Variants in BMPR1B observed in about 807,000 individuals in gnomAD.
The protein encoded by BMPR1B is bone morphogenetic protein receptor type 1B.
BMPR1B carries 12 observed loss-of-function variants against 59.1 expected under a neutral mutation model. That is an observed-to-expected ratio of 0.20 (90% CI 0.13 to 0.33). The LOEUF (loss-of-function observed/expected upper bound fraction) is 0.33. BMPR1B is among the 10% of genes least tolerant of loss of function. The pLI is 1.00. For synonymous variants in BMPR1B, 237 were observed against 207.3 expected (o/e 1.14, Z -1.23); for missense variants, 550 against 610.9 (o/e 0.90, Z 1.05).
rs192382983 is a variant in BMPR1B, at chr4:95,149,898, G to A, written c.1252+975G>A. 5.8e-4 allele frequency among the ~76,000 whole-genome samples: 88 copies of A among 152,296 alleles called. No homozygotes were observed. The East Asian group carries it at 6.6e-3, about 11-fold the overall frequency. On this transcript the variant is annotated intron_variant, in intron 11 of 12. Transcript: ENST00000515059. ...AAAGATGAATTGAATTATTGTATCT[G>A]CTTCTGTGGTTGTATGGTTTCAATG...
At chr4:94,790,229 G>A (rs535586610) in intron 1 of BMPR1B, among the ~76,000 whole-genome samples, 4 of 152,154 alleles carry the variant, frequency 2.6e-5, no homozygotes, top group African/African-American at 7.2e-5. Context: ...TCTAACCCCC[G>A]CATTGTTATA....
chr4:94,959,418 G>A (rs1730272575), intron 2 of BMPR1B, among the ~76,000 whole-genome samples: 1 of 152,032 alleles, frequency 6.6e-6, no homozygotes, highest in Admixed American at 6.6e-5. Flanking sequence ...TGATAACATT[G>A]TAAAGTAAGA....
chr4:95,093,129 A>G (rs917761855), intron 3 of BMPR1B, among the ~76,000 whole-genome samples: 2 of 152,108 alleles, frequency 1.3e-5, no homozygotes, highest in Non-Finnish European at 2.9e-5. Context: ...AGATTATGCT[A>G]TTTTGTGACA....
At position 95,108,622 on chromosome 4, in the gene BMPR1B, A is replaced by T. The variant is rs150927525; in HGVS notation, c.143+4055A>T. Among the ~76,000 whole-genome samples the T allele has an allele frequency of 2.7e-3, 417 of 152,130 alleles. 4 individuals are homozygous for T. The highest frequency in any genetic ancestry group is 9.4e-3 in the African/African-American group (390 of 41,504). ...CAAGGCCAGAGTCATTCTTGGCTTG[A>T]TCTCTGTCAGGTGCAGATACGGCTG... On this transcript the variant is annotated intron_variant, in intron 4 of 12. Transcript: ENST00000515059.
intron 2 of BMPR1B, among the ~76,000 whole-genome samples, chr4:94,963,346 C>T (rs140637104): frequency 2.6e-4 from 40 of 152,144 alleles, no homozygotes; most frequent in African/African-American, 7.9e-4. Flanking sequence ...TTTTCAGCTT[C>T]GTGTGATCCC....
chr4:95,041,402 C>T (rs764315773), intron 3 of BMPR1B, among the ~76,000 whole-genome samples: 18 of 152,032 alleles, frequency 1.2e-4, no homozygotes, highest in Non-Finnish European at 2.1e-4. Context: ...GAGTTCCACC[C>T]GCCATGGGTT....
chr4:94,908,403 A>T (rs1728148987), intron 2 of BMPR1B, among the ~76,000 whole-genome samples: 1 of 150,816 alleles, frequency 6.6e-6, no homozygotes, highest in South Asian at 2.1e-4. Flanking sequence ...TTATTTTTGC[A>T]TGATCTCTGT....
chr4:94,845,177 T>G (rs1725269672), intron 1 of BMPR1B, among the ~76,000 whole-genome samples: 2 of 152,104 alleles, frequency 1.3e-5, no homozygotes, highest in Admixed American at 1.3e-4. Flanking sequence ...TTATATAATT[T>G]AAAGAGTAAA....
intron 2 of BMPR1B, among the ~76,000 whole-genome samples, chr4:94,936,262 C>G (rs1291800396): frequency 6.6e-6 from 1 of 152,224 alleles, no homozygotes; most frequent in African/African-American, 2.4e-5. Context: ...CCAAGTTATA[C>G]AGAGGCAGTT....
chr4:94,860,232 G>A (rs1360444343), intron 1 of BMPR1B, among the ~76,000 whole-genome samples: 1 of 151,984 alleles, frequency 6.6e-6, no homozygotes, highest in East Asian at 1.9e-4. Context: ...AAAACCTTTG[G>A]TCCTCCTTTA....
intron 2 of BMPR1B, among the ~76,000 whole-genome samples, chr4:94,920,497 G>C (rs1728647517): frequency 6.6e-6 from 1 of 152,174 alleles, no homozygotes; most frequent in South Asian, 2.1e-4. Flanking sequence ...TTTTTGCAAA[G>C]GTCTTTGAAT....
intron 1 of BMPR1B, among the ~76,000 whole-genome samples, chr4:94,794,624 C>T (rs1430565937): frequency 2.0e-5 from 3 of 148,632 alleles, no homozygotes; most frequent in African/African-American, 7.6e-5. Flanking sequence ...TGGCCACTTT[C>T]ACGATATTGA....
At chr4:95,045,580 C>G (rs1309616133) in intron 3 of BMPR1B, among the ~76,000 whole-genome samples, 1 of 152,146 alleles carries the variant, frequency 6.6e-6, no homozygotes, top group South Asian at 2.1e-4. Flanking sequence ...CCTTTGCCTT[C>G]CCTTCACCCA....
chr4:95,065,645 A>G (rs1293514130), intron 3 of BMPR1B, among the ~76,000 whole-genome samples: 1 of 152,146 alleles, frequency 6.6e-6, no homozygotes, highest in East Asian at 1.9e-4. Flanking sequence ...CCATTTTTAA[A>G]TATATTTGTA....
intron 6 of BMPR1B, among the ~76,000 whole-genome samples, chr4:95,117,911 A>T (rs1229665791): frequency 3.9e-5 from 6 of 152,162 alleles, no homozygotes; most frequent in African/African-American, 1.4e-4. Context: ...AGTAGAATAA[A>T]ACTCCAAAGG....
chr4:95,030,454 C>G (rs1724751324), intron 3 of BMPR1B, among the ~76,000 whole-genome samples: 1 of 152,096 alleles, frequency 6.6e-6, no homozygotes, highest in Admixed American at 6.6e-5. Flanking sequence ...TCTGAGGGCT[C>G]TGTTCTGTTC....
intron 1 of BMPR1B, among the ~76,000 whole-genome samples, chr4:94,826,641 T>G (rs1413556412): frequency 6.9e-6 from 1 of 144,370 alleles, no homozygotes; most frequent in Non-Finnish European, 1.5e-5. Context: ...GAGGAACATC[T>G]GGAATGTTCT....
chr4:95,048,610 G>A (rs779690588), intron 3 of BMPR1B, among the ~76,000 whole-genome samples: 13 of 152,108 alleles, frequency 8.5e-5, no homozygotes, highest in Non-Finnish European at 1.6e-4. Context: ...TTTGAGAAGC[G>A]TCTGTTCCTG....
chr4:95,071,835 T>G (rs1728325728), intron 3 of BMPR1B, among the ~76,000 whole-genome samples: 1 of 151,996 alleles, frequency 6.6e-6, no homozygotes, highest in Non-Finnish European at 1.5e-5. Flanking sequence ...TGTATTTGTT[T>G]TTTAAAATGC....
Sources: gnomAD v4.1 joint callset for allele counts (sites outside exome capture counted in the v4.1 genomes callset) on GRCh38, gnomAD v4.1.1 for gene constraint, MANE v1.5 for transcripts, NCBI Gene and HGNC (gene_info 2026-07-23, HGNC 2026-07-21) for gene names.